The following ARL15 variants were observed in gnomAD, a reference collection of about 807,000 sequenced individuals.
ARL15 encodes ADP-ribosylation factor-like protein 15.
ARL15 carries 19 observed loss-of-function variants against 25.2 expected under a neutral mutation model. The ratio of observed to expected loss-of-function variants is 0.75; its 90% CI spans 0.53 to 1.10. The LOEUF is 1.10. Ranked by LOEUF, ARL15 falls within the 50% of genes least tolerant of loss-of-function variation. The probability of loss-of-function intolerance (pLI) is 0.00; values close to 1 mark genes in which losing one functional copy is unlikely to be tolerated. For missense variants in ARL15, 220 were observed against 246.0 expected, an observed-to-expected ratio of 0.89 and a Z score of 0.71; for synonymous variants, 94 against 86.8, an observed-to-expected ratio of 1.08 and a Z score of -0.46.
intron 1 of ARL15, among the ~76,000 whole-genome samples, chr5:54,261,987 A>T (rs1757508013): frequency 6.6e-6 from 1 of 152,246 alleles, no homozygotes; most frequent in Non-Finnish European, 1.5e-5. Flanking sequence ...TGTTTTCAAT[A>T]TAAGACCTTT....
intron 1 of ARL15, among the ~76,000 whole-genome samples, chr5:54,231,717 G>C (rs1756676668): frequency 6.6e-6 from 1 of 152,126 alleles, no homozygotes; most frequent in Non-Finnish European, 1.5e-5. Context: ...TCTATTTCTG[G>C]CTAGCAAACC....
chr5:54,048,156 T>G (rs1001919451), intron 4 of ARL15: 2 of 151,688 alleles, frequency 1.3e-5, no homozygotes, highest in Admixed American at 1.3e-4. Context: ...TGGTCGCCCC[T>G]CCTAGGAGGT....
intron 3 of ARL15, among the ~76,000 whole-genome samples, chr5:54,153,729 A>T (rs1754137746): frequency 6.6e-6 from 1 of 152,222 alleles, no homozygotes; most frequent in African/African-American, 2.4e-5. Context: ...TAAAAATAAG[A>T]AGGTACCAAA....
At chr5:54,128,295 C>A (rs16882272) in intron 3 of ARL15, among the ~76,000 whole-genome samples, 2 of 152,328 alleles carry the variant, frequency 1.3e-5, no homozygotes, top group South Asian at 2.1e-4. Flanking sequence ...GCTAGACACA[C>A]AACAAAGCAT....
Position 53,975,889 on chromosome 5 carries a change from A to G in ARL15, c.463-89176T>C, listed in dbSNP as rs1010130563. Among the ~76,000 whole-genome samples the G allele has an allele frequency of 2.6e-5, 4 of 152,256 alleles. No homozygotes were observed. In the South Asian group the frequency reaches 6.2e-4, roughly 24 times the overall value. On this transcript the variant is annotated intron_variant, in intron 4 of 4. Coordinates refer to ENST00000504924, the MANE Select transcript of ARL15 (RefSeq NM_019087.3). Reference sequence around the variant, plus strand: ...GCCTACGTCATCTGGGTGTGTAGCTATAATAACAAAAATGGCAAAAAGGAT... The same window carrying G: ...GCCTACGTCATCTGGGTGTGTAGCTGTAATAACAAAAATGGCAAAAAGGAT...
chr5:54,043,113 T>C (rs1750396812), intron 4 of ARL15, among the ~76,000 whole-genome samples: 2 of 152,114 alleles, frequency 1.3e-5, no homozygotes, highest in Admixed American at 1.3e-4. Context: ...GTTCGTCTTT[T>C]GGGGCTGTAA....
chr5:53,989,649 TTA>T (rs921946853), intron 4 of ARL15, among the ~76,000 whole-genome samples: 1 of 151,926 alleles, frequency 6.6e-6, no homozygotes, highest in African/African-American at 2.4e-5. Flanking sequence ...TAAGTGAGGT[TTA>T]TAAAGTTCTG....
chr5:54,142,704 T>C (rs563173769), intron 3 of ARL15, among the ~76,000 whole-genome samples: 12 of 152,026 alleles, frequency 7.9e-5, no homozygotes, highest in Non-Finnish European at 1.8e-4. Context: ...ATGTTAATAG[T>C]GTGGGGATAA....
At position 54,029,893 on chromosome 5, in the gene ARL15, A is replaced by T. The variant is rs186121039; in HGVS notation, c.462+83309T>A. Among the ~76,000 whole-genome samples, 1,216 of 152,044 alleles carry T rather than the reference A, an allele frequency of 8.0e-3. 6 individuals are homozygous for T. Among genetic ancestry groups the T allele is most frequent in the Non-Finnish European group, 0.013 (901 of 67,956 alleles). On this transcript the variant is annotated intron_variant, in intron 4 of 4. Transcript: ENST00000504924. ...GTGCCTGTAGTCCCAGCTACTCAGGAGGCTGAGGCAGGAGAATTACGTGAA... is the reference window on the plus strand; with the variant it reads ...GTGCCTGTAGTCCCAGCTACTCAGGTGGCTGAGGCAGGAGAATTACGTGAA...
chr5:54,252,223 T>C (rs1372718833), intron 1 of ARL15, among the ~76,000 whole-genome samples: 1 of 152,072 alleles, frequency 6.6e-6, no homozygotes, highest in African/African-American at 2.4e-5. Flanking sequence ...AGTAAAAGGA[T>C]CTCGACATCA....
In ARL15 at chr5:53,963,672, G is replaced by A. The variant is rs188055675; in HGVS notation, c.463-76959C>T. Reference sequence around the variant, plus strand: ...AAAATACAAAAATTAGCTGGGCATGGTGGTGGACACCTGTAATCCCAGCTT... The same window carrying A: ...AAAATACAAAAATTAGCTGGGCATGATGGTGGACACCTGTAATCCCAGCTT... On this transcript the variant is annotated intron_variant, in intron 4 of 4. Transcript: ENST00000504924. 4.1e-3 allele frequency among the ~76,000 whole-genome samples: 622 copies of A among 152,174 alleles called. 1 individual carries two copies. Among genetic ancestry groups the A allele is most frequent in the Non-Finnish European group, 6.1e-3 (418 of 68,006 alleles).
chr5:53,921,345 T>C (rs1337004082), intron 4 of ARL15, among the ~76,000 whole-genome samples: 1 of 152,214 alleles, frequency 6.6e-6, no homozygotes, highest in Non-Finnish European at 1.5e-5. Flanking sequence ...CCTATAGCTA[T>C]TGTAAGTATG....
At chr5:54,084,818 T>A (rs1317619752) in intron 4 of ARL15, among the ~76,000 whole-genome samples, 1 of 152,166 alleles carries the variant, frequency 6.6e-6, no homozygotes, top group African/African-American at 2.4e-5. Context: ...CTGATTTCAC[T>A]CATCCAAGCA....
chr5:53,947,013 C>T (rs767575979), intron 4 of ARL15, among the ~76,000 whole-genome samples: 3 of 152,100 alleles, frequency 2.0e-5, no homozygotes, highest in Non-Finnish European at 4.4e-5. Flanking sequence ...GCTAATAAAA[C>T]AAGGACAAGG....
At chr5:54,034,459 C>G (rs535205863) in intron 4 of ARL15, among the ~76,000 whole-genome samples, 24 of 152,246 alleles carry the variant, frequency 1.6e-4, no homozygotes, top group African/African-American at 5.8e-4. Context: ...ACAGTCACTC[C>G]CTTCTACTAC....
intron 1 of ARL15, among the ~76,000 whole-genome samples, chr5:54,181,297 T>C (rs903046730): frequency 5.9e-4 from 90 of 152,302 alleles, no homozygotes; most frequent in African/African-American, 2.0e-3. Context: ...AACAGAATTA[T>C]GCAATAAAAC....
rs576132953 is a variant in ARL15, at chr5:54,144,659, G to C, written c.253+9921C>G. Reference sequence around the variant, plus strand: ...ATAATTATATGCTCATCTTTTGTTTGAGAATCTCTGTGTGCCAGCTCTTTT... The same window carrying C: ...ATAATTATATGCTCATCTTTTGTTTCAGAATCTCTGTGTGCCAGCTCTTTT... On this transcript the variant is annotated intron_variant, in intron 3 of 4. Coordinates refer to ENST00000504924, the MANE Select transcript of ARL15 (RefSeq NM_019087.3). Among the ~76,000 whole-genome samples the C allele has an allele frequency of 5.3e-4, 80 of 152,070 alleles. 1 individual carries two copies. The highest frequency in any genetic ancestry group is 4.2e-4 in the South Asian group (2 of 4,814).
At chr5:54,066,658 G>T (rs1327078249) in intron 4 of ARL15, among the ~76,000 whole-genome samples, 1 of 152,088 alleles carries the variant, frequency 6.6e-6, no homozygotes, top group Non-Finnish European at 1.5e-5. Flanking sequence ...GGTACTACTG[G>T]CATCTAGTGG....
chr5:54,296,695 G>A (rs1758473779), intron 1 of ARL15, among the ~76,000 whole-genome samples: 1 of 152,242 alleles, frequency 6.6e-6, no homozygotes, highest in African/African-American at 2.4e-5. Flanking sequence ...GGGGATCTGG[G>A]CAAGCCAAGC....
Sources: allele counts gnomAD v4.1 joint callset (sites outside exome capture counted in the v4.1 genomes callset), GRCh38; gene constraint gnomAD v4.1.1; transcripts MANE v1.5; gene names NCBI Gene and HGNC (gene_info 2026-07-23, HGNC 2026-07-21).